The following HS6ST3 variants were observed in gnomAD, a reference collection of about 807,000 sequenced individuals.
HS6ST3 encodes heparan sulfate 6-O-sulfotransferase 3.
In HS6ST3, 12 loss-of-function variants were observed where a neutral mutation model predicts 36.7. The ratio of observed to expected loss-of-function variants is 0.33; its 90% CI spans 0.21 to 0.53. HS6ST3 has a LOEUF of 0.53. Ranked by LOEUF, HS6ST3 falls within the 20% of genes least tolerant of loss-of-function variation. The probability of loss-of-function intolerance (pLI) is 0.95; values close to 1 mark genes in which losing one functional copy is unlikely to be tolerated. For synonymous variants in HS6ST3, 240 were observed against 257.5 expected, an observed-to-expected ratio of 0.93 and a Z score of 0.65; for missense variants, 584 against 640.9, an observed-to-expected ratio of 0.91 and a Z score of 0.96.
chr13:96,598,563 A>G (rs550858640), intron 1 of HS6ST3, among the ~76,000 whole-genome samples: 56 of 152,242 alleles, frequency 3.7e-4, no homozygotes, highest in Admixed American at 1.6e-3. Context: ...TATGAAATCA[A>G]GGAGTCTTTT....
At chr13:96,157,129 T>A (rs1482722628) in intron 1 of HS6ST3, among the ~76,000 whole-genome samples, 1 of 152,260 alleles carries the variant, frequency 6.6e-6, no homozygotes, top group Non-Finnish European at 1.5e-5. Context: ...TAAAGTCAGA[T>A]AATAAGGTCT....
At chr13:96,274,839 TCACACACA>T (rs60430769) in intron 1 of HS6ST3, among the ~76,000 whole-genome samples, 14,859 of 125,942 alleles carry the variant, frequency 0.12, 807 homozygotes, top group South Asian at 0.14. Flanking sequence ...ACTTAGTCCT[TCACACACA>T]CACACACACA....
At chr13:96,307,197 G>A (rs979456492) in intron 1 of HS6ST3, among the ~76,000 whole-genome samples, 1 of 152,160 alleles carries the variant, frequency 6.6e-6, no homozygotes, top group Non-Finnish European at 1.5e-5. Context: ...GTGAAAGAAA[G>A]TGTGCTCTCT....
At chr13:96,524,358 G>A (rs186256116) in intron 1 of HS6ST3, among the ~76,000 whole-genome samples, 130 of 152,294 alleles carry the variant, frequency 8.5e-4, no homozygotes, top group Non-Finnish European at 1.5e-3. Flanking sequence ...GTCAGAGCTC[G>A]AACGCTGCAC....
chr13:96,830,835 G>A (rs2138549131), intron 1 of HS6ST3, among the ~76,000 whole-genome samples: 1 of 152,248 alleles, frequency 6.6e-6, no homozygotes, highest in South Asian at 2.1e-4. Flanking sequence ...TATATTTCTG[G>A]AGCTGGCCCC....
At chr13:96,278,744 T>A (rs772928554) in intron 1 of HS6ST3, among the ~76,000 whole-genome samples, 1 of 152,210 alleles carries the variant, frequency 6.6e-6, no homozygotes, top group Non-Finnish European at 1.5e-5. Context: ...AAAAAATAAC[T>A]ACAATGATAT....
At chr13:96,456,633 A>T (rs2139488809) in intron 1 of HS6ST3, among the ~76,000 whole-genome samples, 1 of 152,256 alleles carries the variant, frequency 6.6e-6, no homozygotes, top group Non-Finnish European at 1.5e-5. Context: ...CTACTTTATT[A>T]TGAAGTTAGC....
intron 1 of HS6ST3, among the ~76,000 whole-genome samples, chr13:96,636,319 T>C (rs1293325188): frequency 6.6e-6 from 1 of 152,184 alleles, no homozygotes; most frequent in Non-Finnish European, 1.5e-5. Flanking sequence ...AGTTACTAAA[T>C]AGTAAGTATG....
At chr13:96,554,880 G>C (rs1458476708) in intron 1 of HS6ST3, among the ~76,000 whole-genome samples, 1 of 151,684 alleles carries the variant, frequency 6.6e-6, no homozygotes, top group Admixed American at 6.6e-5. Flanking sequence ...ACCAACTCCT[G>C]GGCTCAAGTG....
Position 96,302,444 on chromosome 13 carries a change from A to G in HS6ST3, c.707+210875A>G, listed in dbSNP as rs146489762. ...ATATGGGTAAATCTTTATAAAAAGG[A>G]TAAGTAGGTATTCAAATAGATAAAT... On this transcript the variant is annotated intron_variant, in intron 1 of 1. Coordinates refer to ENST00000376705, the MANE Select transcript of HS6ST3 (RefSeq NM_153456.4). Among the ~76,000 whole-genome samples, 965 of 152,304 alleles carry G rather than the reference A, an allele frequency of 6.3e-3. 12 individuals carry two copies. Among genetic ancestry groups the G allele is most frequent in the African/African-American group, 0.022 (930 of 41,564 alleles).
rs899783537 is a variant in HS6ST3 at position 96,835,773 on chromosome 13, C to T, written c.*2575C>T. On this transcript the variant is annotated 3_prime_UTR_variant, in exon 2 of 2. Transcript: ENST00000376705. ...TTGGAGGCAGCCCCTGCTCACTTCA[C>T]GCTGTTCCTTAGGCACCTCGGGATT... 5 of 152,232 alleles carry T rather than the reference C, an allele frequency of 3.3e-5. No individual in the cohort carries two copies. The highest frequency in any genetic ancestry group is 6.5e-5 in the Admixed American group (1 of 15,286). The allele number at this position is 152,232 out of a possible 1,614,324, so 9.4% of individuals were successfully genotyped here.
At chr13:96,369,168 C>T (rs548361462) in intron 1 of HS6ST3, among the ~76,000 whole-genome samples, 2 of 152,130 alleles carry the variant, frequency 1.3e-5, no homozygotes, top group East Asian at 1.9e-4. Flanking sequence ...TAGGTTCATC[C>T]CTTCCTCTAG....
intron 1 of HS6ST3, among the ~76,000 whole-genome samples, chr13:96,518,250 A>G (rs1425862602): frequency 1.3e-5 from 2 of 152,166 alleles, no homozygotes; most frequent in African/African-American, 4.8e-5. Context: ...GAACATTCTG[A>G]ATTTCTTTCT....
chr13:96,253,230 C>G (rs2054616102), intron 1 of HS6ST3, among the ~76,000 whole-genome samples: 1 of 152,024 alleles, frequency 6.6e-6, no homozygotes, highest in Non-Finnish European at 1.5e-5. Flanking sequence ...TTGCTGTGTG[C>G]TCCTTCCCCT....
intron 1 of HS6ST3, among the ~76,000 whole-genome samples, chr13:96,825,772 C>G (rs746062850): frequency 3.3e-5 from 5 of 152,180 alleles, no homozygotes; most frequent in Non-Finnish European, 7.3e-5. Flanking sequence ...ATTAAATGAA[C>G]GTTTAGTGAA....
intron 1 of HS6ST3, chr13:96,574,465 C>A: frequency 2.2e-6 from 1 of 455,768 alleles, no homozygotes. Flanking sequence ...GTTTCCAGAA[C>A]CATACTCTTC....
chr13:96,831,809 G>A (rs138248665), intron 1 of HS6ST3, among the ~76,000 whole-genome samples: 1,857 of 151,974 alleles, frequency 0.012, 35 homozygotes, highest in African/African-American at 0.043. Context: ...ACAAAAATGA[G>A]CTGGGTATGG....
intron 1 of HS6ST3, among the ~76,000 whole-genome samples, chr13:96,500,901 T>C (rs1036904366): frequency 6.6e-6 from 1 of 152,320 alleles, no homozygotes; most frequent in South Asian, 2.1e-4. Context: ...GGCCATATTA[T>C]TGAAGTGCTT....
rs533244527 is a variant in HS6ST3 at position 96,268,652 on chromosome 13, A to G, written c.707+177083A>G. Among the ~76,000 whole-genome samples, 3 of 152,156 alleles carry G rather than the reference A, an allele frequency of 2.0e-5. 1 individual carries two copies. The highest frequency in any genetic ancestry group is 7.2e-5 in the African/African-American group (3 of 41,438). ...ATAAAGCAACTCTTCCTAAAATTTCATTAGTAATCATGATAACTCTTACTG... is the reference window on the plus strand; with the variant it reads ...ATAAAGCAACTCTTCCTAAAATTTCGTTAGTAATCATGATAACTCTTACTG... On this transcript the variant is annotated intron_variant, in intron 1 of 1. Transcript: ENST00000376705.
Sources: allele counts gnomAD v4.1 joint callset (sites outside exome capture counted in the v4.1 genomes callset), GRCh38; gene constraint gnomAD v4.1.1; transcripts MANE v1.5; gene names NCBI Gene and HGNC (gene_info 2026-07-23, HGNC 2026-07-21).